Variants in LRRC37B observed in about 807,000 individuals in gnomAD.
The protein encoded by LRRC37B is leucine rich repeat containing 37B, also known as leucine-rich repeat-containing protein 37B.
A neutral mutation model predicts 98.3 loss-of-function variants in LRRC37B; 28 were observed. The observed-to-expected ratio is 0.28, with a 90% confidence interval of 0.21 to 0.39. LRRC37B has a LOEUF of 0.39. Among genes scored for constraint, LRRC37B ranks in the 10% least tolerant of loss-of-function variants. The pLI is 1.00. For missense variants in LRRC37B, 938 were observed against 1,182.7 expected (o/e 0.79, Z 3.03); for synonymous variants, 364 against 442.7 (o/e 0.82, Z 2.23).
intron 7 of LRRC37B, chr17:32,040,439 C>T (rs988287497): frequency 2.0e-5 from 11 of 559,776 alleles, no homozygotes; most frequent in East Asian, 7.8e-5. Context: ...GGCAGCCTGT[C>T]GGTTGCAGGG....
At chr17:32,014,715 T>C (rs1300221709) in intron 1 of LRRC37B, among the ~76,000 whole-genome samples, 1 of 152,144 alleles carries the variant, frequency 6.6e-6, no homozygotes, top group African/African-American at 2.4e-5. Context: ...GATAGATAGA[T>C]AGATAGATAG....
chr17:32,035,297 A>G (rs1019863729), intron 6 of LRRC37B, among the ~76,000 whole-genome samples: 11 of 152,202 alleles, frequency 7.2e-5, no homozygotes, highest in African/African-American at 1.9e-4. Flanking sequence ...GAGTAAATCA[A>G]GATGGGTGAA....
intron 10 of LRRC37B, among the ~76,000 whole-genome samples, chr17:32,049,801 G>A (rs959055248): frequency 6.6e-6 from 1 of 151,988 alleles, no homozygotes; most frequent in Non-Finnish European, 1.5e-5. Flanking sequence ...CAGGGAGGTC[G>A]AGTCAGTAGT....
At chr17:32,037,934 A>C (rs147618882) in intron 7 of LRRC37B, among the ~76,000 whole-genome samples, 1,573 of 151,998 alleles carry the variant, frequency 0.01, 18 homozygotes, top group African/African-American at 0.033. Context: ...AGTGAAACCC[A>C]GTCTCTACTA....
At chr17:32,031,608 C>G in intron 5 of LRRC37B, 150 bp downstream of exon 8, 1 of 1,161,724 alleles carries the variant, frequency 8.6e-7, no homozygotes, top group Non-Finnish European at 1.2e-6. Context: ...AACTAAGGTA[C>G]AAAGCAGCCA....
chr17:32,041,426 G>C (rs761992917), intron 7 of LRRC37B: 10 of 730,080 alleles, frequency 1.4e-5, no homozygotes, highest in South Asian at 5.4e-5. Context: ...TCTTCACGCT[G>C]ATCAACCAGA....
At chr17:32,051,187 C>T (rs1226115631) in intron 11 of LRRC37B, 1 of 152,070 alleles carries the variant, frequency 6.6e-6, no homozygotes, top group African/African-American at 2.4e-5. Context: ...CTGCTTGAAA[C>T]CTTCCCTGAA....
At chr17:32,016,385 C>G (rs574893245), upstream of LRRC37B, among the ~76,000 whole-genome samples, 3 of 152,336 alleles carry the variant, frequency 2.0e-5, no homozygotes, top group South Asian at 6.2e-4. Context: ...AGAATTCATG[C>G]AGACCACTTG....
At chr17:32,034,880 A>G in intron 5 of LRRC37B, 30 bp from the exon 9 acceptor site, 1 of 1,534,942 alleles carries the variant, frequency 6.5e-7, no homozygotes, top group Non-Finnish European at 9.0e-7. Flanking sequence ...TTGAAAATGC[A>G]GGTAATTTTA....
intron 7 of LRRC37B, among the ~76,000 whole-genome samples, chr17:32,036,478 G>A (rs922377854): frequency 6.6e-6 from 1 of 151,754 alleles, no homozygotes; most frequent in African/African-American, 2.4e-5. Context: ...TTTAAAACAC[G>A]GTACAATTAT....
upstream of LRRC37B, chr17:32,007,741 C>T (rs983435912): frequency 8.4e-6 from 10 of 1,194,068 alleles, no homozygotes; most frequent in East Asian, 3.5e-5. The surrounding 1 kb of genome is among the most constrained non-coding windows in gnomAD (Gnocchi z 4.1). Flanking sequence ...CGGTAGTAGC[C>T]GGGGCAGGTG....
intron 6 of LRRC37B, among the ~76,000 whole-genome samples, chr17:32,035,226 A>C (rs1180313379): frequency 6.6e-6 from 1 of 152,214 alleles, no homozygotes; most frequent in Non-Finnish European, 1.5e-5. Context: ...ACATGGAGGA[A>C]TATTACTTAA....
At chr17:32,038,567 T>G (rs544818584) in intron 7 of LRRC37B, among the ~76,000 whole-genome samples, 1 of 152,262 alleles carries the variant, frequency 6.6e-6, no homozygotes, top group East Asian at 1.9e-4. Context: ...CTGTTAAAAG[T>G]GTTCTCTGGC....
rs112645631 is a variant in LRRC37B at position 32,009,091 on chromosome 17, C to A, written c.-191+959C>A. Among the ~76,000 whole-genome samples the A allele has an allele frequency of 7.0e-3, 1,061 of 152,042 alleles. 10 individuals carry two copies. The highest frequency in any genetic ancestry group is 0.024 in the African/African-American group (1,008 of 41,474). On this transcript the variant is annotated intron_variant, in intron 1 of 14. Coordinates refer to the LRRC37B transcript ENST00000543378. ...CGGTTGCCCTGTATCCTCCCTAGCA[C>A]TTGATATTGTCAGTTTTTGTTGGTT...
At chr17:32,050,835 G>A (rs1317240409) in intron 11 of LRRC37B, among the ~76,000 whole-genome samples, 2 of 152,160 alleles carry the variant, frequency 1.3e-5, no homozygotes, top group Non-Finnish European at 2.9e-5. Flanking sequence ...CCTGGGGCGA[G>A]TCCTGTTTAC....
intron 8 of LRRC37B, among the ~76,000 whole-genome samples, chr17:32,046,592 TTTTTTTC>T (rs1222878136): frequency 7.5e-5 from 10 of 134,064 alleles, no homozygotes; most frequent in African/African-American, 3.1e-4. Context: ...AAACTTTTTC[TTTTTTTC>T]TTTTTTTTTT....
exon 1 of LRRC37B, chr17:32,021,557 T>C: frequency 6.2e-7 from 1 of 1,614,110 alleles, no homozygotes; most frequent in African/African-American, 1.3e-5. Flanking sequence ...TGGTTCCGCT[T>C]CTCAACCGGG....
chr17:32,041,661 G>T (rs755805184), intron 7 of LRRC37B: 1 of 459,654 alleles, frequency 2.2e-6, no homozygotes. Flanking sequence ...GGCCCTTGAG[G>T]TACTCCCTCA....
intron 6 of LRRC37B, 36 bp from the exon 10 acceptor site, chr17:32,035,529 G>T: frequency 6.3e-7 from 1 of 1,580,706 alleles, no homozygotes; most frequent in Non-Finnish European, 8.7e-7. Flanking sequence ...TTTTGTAATG[G>T]GTTCATATCA....
Sources: allele counts gnomAD v4.1 joint callset (sites outside exome capture counted in the v4.1 genomes callset), GRCh38; gene constraint gnomAD v4.1.1; non-coding constraint Gnocchi (gnomAD v3.1); transcripts MANE v1.5; gene names NCBI Gene and HGNC (gene_info 2026-07-23, HGNC 2026-07-21).